Variants in EPHB2 observed in about 807,000 individuals in gnomAD.
The protein encoded by EPHB2 is EPH receptor B2.
In EPHB2, 18 loss-of-function variants were observed where a neutral mutation model predicts 96.4. That is an observed-to-expected ratio of 0.19 (90% CI 0.13 to 0.28). The LOEUF (loss-of-function observed/expected upper bound fraction) is 0.28, where lower values mean the gene tolerates loss of function less well. Among genes scored for constraint, EPHB2 ranks in the 10% least tolerant of loss-of-function variants. The probability of loss-of-function intolerance (pLI) is 1.00; values close to 1 mark genes in which losing one functional copy is unlikely to be tolerated. For missense variants in EPHB2, 989 were observed against 1,355.4 expected, an observed-to-expected ratio of 0.73 and a Z score of 4.25; for synonymous variants, 506 against 534.1, an observed-to-expected ratio of 0.95 and a Z score of 0.72.
At chr1:22,778,235 A>G (rs924746491) in intron 1 of EPHB2, among the ~76,000 whole-genome samples, 3 of 152,168 alleles carry the variant, frequency 2.0e-5, no homozygotes, top group African/African-American at 7.2e-5. Flanking sequence ...CATGTTGGCC[A>G]GGCTTGTCTC....
At chr1:22,755,064 CAG>C (rs994728448) in intron 1 of EPHB2, among the ~76,000 whole-genome samples, 2 of 152,064 alleles carry the variant, frequency 1.3e-5, no homozygotes, top group African/African-American at 4.8e-5. Context: ...CAGTGTGTTT[CAG>C]AGAGGTGGAG....
chr1:22,895,438 A>C (rs761908178), intron 7 of EPHB2, 34 bp from the exon 8 acceptor site: 13 of 1,605,864 alleles, frequency 8.1e-6, no homozygotes, highest in Non-Finnish European at 1.0e-5. Context: ...TCCCACAGCC[A>C]GGCTGAGAAT....
At chr1:22,711,521 C>T (rs1239229253) in intron 1 of EPHB2, among the ~76,000 whole-genome samples, 1 of 151,198 alleles carries the variant, frequency 6.6e-6, no homozygotes, top group African/African-American at 2.4e-5. Flanking sequence ...GGGCTCCCGG[C>T]CCGCGCCCCC....
rs1352831493 is a variant in EPHB2 at position 22,863,003 on chromosome 1, G to A, written c.812-34G>A. 4 of 1,613,698 alleles carry A rather than the reference G, an allele frequency of 2.5e-6. No individual in the cohort carries two copies. In the East Asian group the frequency reaches 8.9e-5, roughly 36 times the overall value. On this transcript the variant is annotated intron_variant, in intron 3 of 15. Transcript: ENST00000374630. The stretch of plus-strand genomic sequence containing the variant: ...CGTGACCTCTCTGAGTCTTCATCCA[G>A]TTTCCTGGTGACTCTCCTTGTCTTC...
chr1:22,764,058 C>T (rs1644272198), intron 1 of EPHB2, among the ~76,000 whole-genome samples: 1 of 152,206 alleles, frequency 6.6e-6, no homozygotes, highest in Non-Finnish European at 1.5e-5. Context: ...AATCTCATCT[C>T]ATTTGCAAAG....
At chr1:22,796,744 C>T (rs769485548) in intron 3 of EPHB2, among the ~76,000 whole-genome samples, 9 of 152,200 alleles carry the variant, frequency 5.9e-5, no homozygotes, top group Non-Finnish European at 1.3e-4. Context: ...TAAGAATACC[C>T]GGAGGAGGCA....
chr1:22,890,255 T>C (rs1006415150), intron 6 of EPHB2, among the ~76,000 whole-genome samples: 1 of 152,172 alleles, frequency 6.6e-6, no homozygotes, highest in African/African-American at 2.4e-5. Flanking sequence ...CCCCCTCCTG[T>C]GGCACCCACA....
chr1:22,787,962 T>C (rs2148429349), intron 3 of EPHB2, among the ~76,000 whole-genome samples: 1 of 152,326 alleles, frequency 6.6e-6, no homozygotes, highest in East Asian at 1.9e-4. Flanking sequence ...ATGGGCCTCT[T>C]GCATGTGCAG....
At position 22,909,081 on chromosome 1, in the gene EPHB2, C is replaced by T. The variant is rs370226176; in HGVS notation, c.2412C>T (p.Thr804=). Residue 804 remains threonine, a synonymous_variant, in exon 13 of 16, where the codon ACC becomes ACT. Coordinates refer to ENST00000374630, the MANE Select transcript of EPHB2 (RefSeq NM_017449.5). The part of the protein sequence containing the change: ...APEAIQYRKF[T]SASDVWSYGI... ...AAGCCATCCAGTACCGGAAGTTCACCTCGGCCAGTGATGTGTGGAGCTACG... is the reference window on the plus strand; with the variant it reads ...AAGCCATCCAGTACCGGAAGTTCACTTCGGCCAGTGATGTGTGGAGCTACG... The T allele has an allele frequency of 1.2e-6, 2 of 1,614,206 alleles. No homozygotes were observed. Among genetic ancestry groups the T allele is most frequent in the Non-Finnish European group, 1.7e-6 (2 of 1,180,032 alleles).
rs1384583004 is a variant in EPHB2 at position 22,920,713 on chromosome 1, T to G, written c.*7143T>G. The G allele has an allele frequency of 1.3e-5, 2 of 152,184 alleles. No homozygotes were observed. Among genetic ancestry groups the G allele is most frequent in the Non-Finnish European group, 2.9e-5 (2 of 68,048 alleles). 9.4% of individuals were successfully genotyped at this position (152,184 alleles called of 1,614,324 possible). Reference sequence around the variant, plus strand: ...GCCCAGCATAGGCCAGGCAGGGACATTCACTCACAACCAGCCTTTTTGGAC... The same window carrying G: ...GCCCAGCATAGGCCAGGCAGGGACAGTCACTCACAACCAGCCTTTTTGGAC... On this transcript the variant is annotated 3_prime_UTR_variant, in exon 16 of 16. Transcript: ENST00000374630.
At chr1:22,910,243 G>T in intron 13 of EPHB2, 139 bp from the exon 14 acceptor site, 1 of 1,055,640 alleles carries the variant, frequency 9.5e-7, no homozygotes, top group Non-Finnish European at 1.4e-6. Flanking sequence ...CCCTGGGGCT[G>T]CCTCCAGGAG....
intron 3 of EPHB2, among the ~76,000 whole-genome samples, chr1:22,856,078 C>T (rs1331172841): frequency 6.6e-6 from 1 of 152,176 alleles, no homozygotes; most frequent in African/African-American, 2.4e-5. Flanking sequence ...GGCAGCCTGA[C>T]ACACTGGGCC....
intron 4 of EPHB2, among the ~76,000 whole-genome samples, chr1:22,864,320 A>G (rs1638392977): frequency 6.6e-6 from 1 of 152,182 alleles, no homozygotes. Context: ...TGCTGGGATT[A>G]CAGGTGTTAG....
intron 1 of EPHB2, among the ~76,000 whole-genome samples, chr1:22,765,649 G>A (rs1644298514): frequency 2.7e-5 from 4 of 150,910 alleles, no homozygotes; most frequent in Non-Finnish European, 5.9e-5. Context: ...ACCTCTCCAC[G>A]AGCTTTCCGT....
At chr1:22,909,239 C>G in intron 13 of EPHB2, 68 bp downstream of exon 13, 1 of 1,611,348 alleles carries the variant, frequency 6.2e-7, no homozygotes, top group South Asian at 1.1e-5. Context: ...ATCGGGGCTC[C>G]TGGCCTTGTG....
chr1:22,746,754 A>C (rs1643980965), intron 1 of EPHB2, among the ~76,000 whole-genome samples: 1 of 152,130 alleles, frequency 6.6e-6, no homozygotes, highest in Non-Finnish European at 1.5e-5. Context: ...CAGGTCACAA[A>C]GGTGTGAAGT....
chr1:22,791,125 G>C (rs1485745354), intron 3 of EPHB2, among the ~76,000 whole-genome samples: 2 of 152,058 alleles, frequency 1.3e-5, no homozygotes, highest in East Asian at 3.8e-4. Context: ...ATACCCAGAA[G>C]AGTGTTATAA....
At chr1:22,745,296 A>G (rs1001162946) in intron 1 of EPHB2, among the ~76,000 whole-genome samples, 2 of 152,262 alleles carry the variant, frequency 1.3e-5, no homozygotes, top group East Asian at 1.9e-4. Context: ...ACGCAGCATC[A>G]TGGATAAATC....
In EPHB2 at chr1:22,711,409, G is replaced by C. The variant is rs1357786929; in HGVS notation, c.61+366G>C. ...CTCCGCACAGGGTGGAGGGGCGCGG[G>C]CCCGGCCGTGGCGGGGGGCGGGGGG... On this transcript the variant is annotated intron_variant, in intron 1 of 15. Transcript: ENST00000374630. 9.4e-5 allele frequency among the ~76,000 whole-genome samples: 14 copies of C among 149,582 alleles called. No homozygotes were observed. The East Asian group carries it at 2.4e-3, about 26-fold the overall frequency.
Sources: gnomAD v4.1 joint callset for allele counts (sites outside exome capture counted in the v4.1 genomes callset) on GRCh38, gnomAD v4.1.1 for gene constraint, MANE v1.5 for transcripts, NCBI Gene and HGNC (gene_info 2026-07-23, HGNC 2026-07-21) for gene names.